Variants in PPP2R3A observed in about 807,000 individuals in gnomAD.
PPP2R3A encodes the protein protein phosphatase 2 regulatory subunit B''alpha, also known as serine/threonine-protein phosphatase 2A regulatory subunit B'' subunit alpha.
PPP2R3A carries 80 observed loss-of-function variants against 106.9 expected under a neutral mutation model. The observed-to-expected ratio is 0.75, with a 90% CI of 0.62 to 0.90. The LOEUF (loss-of-function observed/expected upper bound fraction) is 0.90, where lower values mean the gene tolerates loss of function less well. PPP2R3A is among the 40% of genes least tolerant of loss of function. The pLI is 0.00. For synonymous variants in PPP2R3A, 483 were observed against 468.3 expected, an observed-to-expected ratio of 1.03 and a Z score of -0.41; for missense variants, 1,386 against 1,350.4, an observed-to-expected ratio of 1.03 and a Z score of -0.41.
In PPP2R3A at chr3:136,026,819, A is replaced by G. The variant is rs1333544569; in HGVS notation, c.1996-13A>G. The G allele has an allele frequency of 6.3e-7, 1 of 1,586,326 alleles. No homozygotes were observed. The highest frequency in any genetic ancestry group is 1.8e-5 in the Admixed American group (1 of 54,488). On this transcript the variant is annotated splice_polypyrimidine_tract_variant and intron_variant, in intron 2 of 13. Transcript: ENST00000264977. ...TAAATTTTTTGTGTCTCATAATCTT[A>G]TTTTTCTTTTAGATTCAAAATAAAC...
chr3:136,098,943 A>G (rs1364917410), intron 10 of PPP2R3A, among the ~76,000 whole-genome samples: 2 of 152,208 alleles, frequency 1.3e-5, no homozygotes, highest in Non-Finnish European at 2.9e-5. Flanking sequence ...CCTGGAGAAC[A>G]TAAAACAGAG....
chr3:136,063,312 A>G (rs1240507080), intron 5 of PPP2R3A, among the ~76,000 whole-genome samples: 1 of 152,264 alleles, frequency 6.6e-6, no homozygotes, highest in Non-Finnish European at 1.5e-5. Context: ...CTAAAACCAT[A>G]AAAACCTTAG....
At chr3:136,108,928 T>C (rs904138058) in intron 13 of PPP2R3A, among the ~76,000 whole-genome samples, 2 of 152,118 alleles carry the variant, frequency 1.3e-5, no homozygotes, top group African/African-American at 4.8e-5. Context: ...CTAGAGATTA[T>C]ATAGTACCCA....
chr3:136,139,691 C>CAAA (rs778189558), intron 13 of PPP2R3A, among the ~76,000 whole-genome samples: 9 of 54,758 alleles, frequency 1.6e-4, no homozygotes, highest in African/African-American at 6.4e-4. Context: ...GACTCCATCT[C>CAAA]AAAAAAAAAA....
Position 136,146,808 on chromosome 3 carries a change from C to T in PPP2R3A, c.*1642C>T, listed in dbSNP as rs755568267. The stretch of plus-strand genomic sequence containing the variant: ...TTTATGTGATAAATGAAATCTCCTA[C>T]CAATCCATCCAGCCTTTACCAGGGA... On this transcript the variant is annotated 3_prime_UTR_variant, in exon 14 of 14. Transcript: ENST00000264977. The T allele has an allele frequency of 2.0e-5, 3 of 151,840 alleles. No homozygotes were observed. Among genetic ancestry groups the T allele is most frequent in the Non-Finnish European group, 4.4e-5 (3 of 67,974 alleles). The allele number at this position is 151,840 out of a possible 1,614,324, so 9.4% of individuals were successfully genotyped here. A position where few individuals can be genotyped will look rare whatever the true frequency, so the allele number is the denominator to read the frequency against.
chr3:136,121,732 AAGTC>A (rs1270773166), intron 13 of PPP2R3A, among the ~76,000 whole-genome samples: 6 of 152,206 alleles, frequency 3.9e-5, no homozygotes. Context: ...TTTTAATGAA[AAGTC>A]AGGGAATGAG....
chr3:136,139,778 CGGATCACCT>C (rs1938781818), intron 13 of PPP2R3A, among the ~76,000 whole-genome samples: 1 of 150,774 alleles, frequency 6.6e-6, no homozygotes, highest in Admixed American at 6.6e-5. Flanking sequence ...CCGAGGCAGG[CGGATCACCT>C]GAGGTTGGGA....
At chr3:136,121,216 G>A (rs1937983581) in intron 13 of PPP2R3A, among the ~76,000 whole-genome samples, 1 of 152,128 alleles carries the variant, frequency 6.6e-6, no homozygotes, top group South Asian at 2.1e-4. Flanking sequence ...AGAAAACATG[G>A]TACCTATACA....
intron 1 of PPP2R3A, among the ~76,000 whole-genome samples, chr3:135,988,923 C>T (rs1258335008): frequency 2.0e-5 from 3 of 152,070 alleles, no homozygotes; most frequent in Non-Finnish European, 1.5e-5. Flanking sequence ...ATTATCTCAC[C>T]ATTAGTGACG....
At chr3:136,117,463 C>G (rs187160083) in intron 13 of PPP2R3A, among the ~76,000 whole-genome samples, 2 of 151,932 alleles carry the variant, frequency 1.3e-5, no homozygotes. Flanking sequence ...TTGAAAAAAT[C>G]AACAAAATAG....
chr3:135,971,257 T>A (rs1464983358), intron 1 of PPP2R3A, among the ~76,000 whole-genome samples: 2 of 152,196 alleles, frequency 1.3e-5, no homozygotes, highest in Admixed American at 6.5e-5. Context: ...ATGTAGGCCC[T>A]CATTGAGCTC....
At chr3:135,999,557 T>G (rs1933536927) in intron 1 of PPP2R3A, among the ~76,000 whole-genome samples, 1 of 149,156 alleles carries the variant, frequency 6.7e-6, no homozygotes, top group Non-Finnish European at 1.5e-5. Flanking sequence ...TTCTTTGGCA[T>G]TTTTTTTTTA....
intron 3 of PPP2R3A, among the ~76,000 whole-genome samples, chr3:136,038,479 A>G (rs1274490147): frequency 3.9e-5 from 6 of 152,224 alleles, no homozygotes; most frequent in African/African-American, 7.2e-5. Context: ...AAGTTACCCC[A>G]CAGAAGGTGG....
chr3:136,060,565 T>C (rs1337049193), intron 5 of PPP2R3A, among the ~76,000 whole-genome samples: 1 of 152,198 alleles, frequency 6.6e-6, no homozygotes, highest in Non-Finnish European at 1.5e-5. Context: ...GTCTCTCCCC[T>C]GCTTGCTATG....
intron 5 of PPP2R3A, among the ~76,000 whole-genome samples, chr3:136,064,534 A>G (rs770302079): frequency 4.6e-5 from 7 of 152,222 alleles, no homozygotes; most frequent in Admixed American, 2.6e-4. Flanking sequence ...TCACCTTTCC[A>G]GCTTAAGGAA....
At position 136,036,645 on chromosome 3, in the gene PPP2R3A, C is replaced by T. The variant is rs141284500; in HGVS notation, c.2263-4214C>T. On this transcript the variant is annotated intron_variant, in intron 3 of 13. Transcript: ENST00000264977. ...TGGGTCCCACAGGAACAGTCCGCTT[C>T]CTTCAGGGGGTCTGTGGGTCTTCTC... Among the ~76,000 whole-genome samples, 556 of 152,230 alleles carry T rather than the reference C, an allele frequency of 3.7e-3. 10 individuals are homozygous for T. The highest frequency in any genetic ancestry group is 7.2e-3 in the Admixed American group (110 of 15,294).
At chr3:135,977,250 C>T (rs1013942692) in intron 1 of PPP2R3A, among the ~76,000 whole-genome samples, 1 of 152,138 alleles carries the variant, frequency 6.6e-6, no homozygotes, top group African/African-American at 2.4e-5. Context: ...GTTGTCTTGA[C>T]TCTTCTGGCA....
At chr3:136,064,065 C>T (rs1289911993) in intron 5 of PPP2R3A, among the ~76,000 whole-genome samples, 2 of 151,806 alleles carry the variant, frequency 1.3e-5, no homozygotes, top group Non-Finnish European at 2.9e-5. Context: ...GGCACATATA[C>T]ACCATGGAAT....
At position 136,090,562 on chromosome 3, in the gene PPP2R3A, C is replaced by T. The variant is rs376487241; in HGVS notation, c.2838-16C>T. 52 of 1,598,138 alleles carry T rather than the reference C, an allele frequency of 3.3e-5. No homozygotes were observed. In the South Asian group the frequency reaches 4.0e-4, roughly 12 times the overall value. On this transcript the variant is annotated splice_polypyrimidine_tract_variant and intron_variant, in intron 9 of 13. Coordinates refer to ENST00000264977, the MANE Select transcript of PPP2R3A (RefSeq NM_002718.5). ...GTAATTGCTCAGGAAATTTTATAACCATGTGTTTTCTTTAGGGGAAAAACA... is the reference window on the plus strand; with the variant it reads ...GTAATTGCTCAGGAAATTTTATAACTATGTGTTTTCTTTAGGGGAAAAACA...
Sources: gnomAD v4.1 joint callset for allele counts (sites outside exome capture counted in the v4.1 genomes callset) on GRCh38, gnomAD v4.1.1 for gene constraint, MANE v1.5 for transcripts, NCBI Gene and HGNC (gene_info 2026-07-23, HGNC 2026-07-21) for gene names.